The following HSD17B4 variants were observed in gnomAD, a reference collection of about 807,000 sequenced individuals.
HSD17B4 encodes peroxisomal multifunctional enzyme type 2.
Under a neutral mutation model 101.0 loss-of-function variants are expected in HSD17B4, and 70 were observed. The ratio of observed to expected loss-of-function variants is 0.69; its 90% CI spans 0.57 to 0.85. The LOEUF is 0.85. HSD17B4 is among the 40% of genes least tolerant of loss of function. The pLI is 0.00. For missense variants in HSD17B4, 984 were observed against 892.4 expected, an observed-to-expected ratio of 1.10 and a Z score of -1.31; for synonymous variants, 347 against 297.1, an observed-to-expected ratio of 1.17 and a Z score of -1.73.
intron 2 of HSD17B4, among the ~76,000 whole-genome samples, chr5:119,461,226 T>G (rs918359134): frequency 6.6e-5 from 10 of 152,150 alleles, no homozygotes; most frequent in Non-Finnish European, 1.3e-4. Flanking sequence ...AACAAAGAAT[T>G]AAGATCTTTT....
chr5:119,508,606 C>A (rs375950130), intron 15 of HSD17B4, among the ~76,000 whole-genome samples: 12 of 152,288 alleles, frequency 7.9e-5, no homozygotes, highest in East Asian at 5.8e-4. Context: ...CATTTATTCA[C>A]TGATTTATTA....
intron 17 of HSD17B4, among the ~76,000 whole-genome samples, chr5:119,517,129 G>A (rs756244025): frequency 5.3e-5 from 8 of 152,190 alleles, no homozygotes; most frequent in Non-Finnish European, 1.2e-4. Flanking sequence ...GGGAACCGGG[G>A]CTGCGCGCGG....
intron 20 of HSD17B4, among the ~76,000 whole-genome samples, chr5:119,529,638 G>C (rs1294209561): frequency 6.6e-6 from 1 of 151,938 alleles, no homozygotes. Context: ...GACCTCATAG[G>C]GTTTCTTTGT....
intron 17 of HSD17B4, among the ~76,000 whole-genome samples, chr5:119,516,744 G>T (rs1752645027): frequency 6.6e-6 from 1 of 152,192 alleles, no homozygotes; most frequent in African/African-American, 2.4e-5. Context: ...TCAATTAGAA[G>T]AAGTGTCATC....
At chr5:119,453,482 A>T (rs1378042113) in intron 1 of HSD17B4, among the ~76,000 whole-genome samples, 1 of 152,250 alleles carries the variant, frequency 6.6e-6, no homozygotes, top group Non-Finnish European at 1.5e-5. Flanking sequence ...GAGATTTTAC[A>T]TTAGTTTCTC....
chr5:119,477,604 A>G (rs1413144622), intron 7 of HSD17B4, 103 bp downstream of exon 7: 1 of 832,500 alleles, frequency 1.2e-6, no homozygotes, highest in Non-Finnish European at 2.1e-6. Flanking sequence ...GATTTATGAC[A>G]TTGAGGAATA....
intron 17 of HSD17B4, among the ~76,000 whole-genome samples, chr5:119,517,391 C>T (rs919807407): frequency 1.3e-5 from 2 of 152,228 alleles, no homozygotes; most frequent in African/African-American, 2.4e-5. Flanking sequence ...CCTCCCACCC[C>T]CTCCATGGGC....
At chr5:119,507,926 T>C (rs2126810271) in intron 15 of HSD17B4, among the ~76,000 whole-genome samples, 1 of 152,270 alleles carries the variant, frequency 6.6e-6, no homozygotes, top group South Asian at 2.1e-4. Flanking sequence ...AAGAACAGTA[T>C]AAAGTTTGAC....
At chr5:119,461,810 G>A (rs1293474785) in intron 2 of HSD17B4, among the ~76,000 whole-genome samples, 1 of 151,894 alleles carries the variant, frequency 6.6e-6, no homozygotes, top group Non-Finnish European at 1.5e-5. Flanking sequence ...GTTTGAGCCT[G>A]GGAGTTTGAG....
intron 10 of HSD17B4, 85 bp downstream of exon 10, chr5:119,492,209 G>A (rs1409356188): frequency 2.1e-6 from 2 of 964,514 alleles, no homozygotes; most frequent in South Asian, 1.3e-5. Context: ...TAAGATTTTT[G>A]TCAAATGCCT....
rs181319015 is a variant in HSD17B4 at position 119,459,439 on chromosome 5, T to A, written c.112+3071T>A. ...GAAGGTCTTGTTGACTGAGGTCTTG[T>A]TGACTCAAGGCACATCCTAGCCCCC... On this transcript the variant is annotated intron_variant, in intron 2 of 23. Coordinates refer to ENST00000510025, the MANE Select transcript of HSD17B4 (RefSeq NM_000414.4). Among the ~76,000 whole-genome samples the A allele has an allele frequency of 4.3e-4, 66 of 152,352 alleles. 2 individuals are homozygous for A. Among genetic ancestry groups the A allele is most frequent in the Admixed American group, 1.0e-3 (16 of 15,310 alleles).
At chr5:119,522,769 T>G (rs1753231635) in intron 17 of HSD17B4, among the ~76,000 whole-genome samples, 1 of 152,150 alleles carries the variant, frequency 6.6e-6, no homozygotes, top group African/African-American at 2.4e-5. Context: ...AAAGGTGATA[T>G]CTTTGTTTTA....
intron 2 of HSD17B4, among the ~76,000 whole-genome samples, chr5:119,460,151 A>C (rs1041434283): frequency 6.6e-6 from 1 of 151,382 alleles, no homozygotes; most frequent in Non-Finnish European, 1.5e-5. Context: ...CAGGGATTAC[A>C]GGTGTGAGCC....
rs1385061660 is a variant in HSD17B4, at chr5:119,478,833, G to A, written c.435-1G>A. The A allele has an allele frequency of 3.1e-6, 5 of 1,611,092 alleles. No individual in the cohort carries two copies. Among genetic ancestry groups the A allele is most frequent in the African/African-American group, 1.3e-5 (1 of 74,808 alleles). ...TATTGAGAGATTGATTTTCTTTTTA[G>A]GATTATTATGACTTCATCAGCTTCA... is the stretch of plus-strand genomic sequence containing the variant. On this transcript the variant is annotated splice_acceptor_variant, in intron 7 of 23. Transcript: ENST00000510025. LOFTEE classifies it high-confidence loss of function.
At chr5:119,483,896 A>T (rs1016176354) in intron 8 of HSD17B4, among the ~76,000 whole-genome samples, 3 of 152,178 alleles carry the variant, frequency 2.0e-5, no homozygotes, top group Non-Finnish European at 4.4e-5. Context: ...AATATTACCT[A>T]CCAAATTCAT....
chr5:119,468,951 C>CT (rs1222041950), intron 2 of HSD17B4, among the ~76,000 whole-genome samples: 1 of 130,886 alleles, frequency 7.6e-6, no homozygotes, highest in African/African-American at 2.8e-5. Context: ...TTTTTTTTTT[C>CT]TTTTTCCTAT....
At chr5:119,509,107 A>G (rs1021441449) in intron 15 of HSD17B4, 34 bp from the exon 16 acceptor site, 2 of 1,200,234 alleles carry the variant, frequency 1.7e-6, no homozygotes, top group Non-Finnish European at 2.5e-6. Flanking sequence ...TTTGGTGGTA[A>G]CTTCTTTTAT....
intron 16 of HSD17B4, 42 bp downstream of exon 16, chr5:119,509,286 G>A: frequency 6.2e-6 from 7 of 1,126,138 alleles, no homozygotes; most frequent in Non-Finnish European, 8.2e-6. Flanking sequence ...TGTAGTTAAG[G>A]ATTCTTACCT....
At chr5:119,517,785 G>A (rs965059890) in intron 17 of HSD17B4, among the ~76,000 whole-genome samples, 1 of 151,832 alleles carries the variant, frequency 6.6e-6, no homozygotes, top group Admixed American at 6.6e-5. Flanking sequence ...TGCACCAATC[G>A]GCACTCTGTA....
Sources: allele counts gnomAD v4.1 joint callset (sites outside exome capture counted in the v4.1 genomes callset), GRCh38; gene constraint gnomAD v4.1.1; transcripts MANE v1.5; gene names NCBI Gene and HGNC (gene_info 2026-07-23, HGNC 2026-07-21).